Variants in RTL10 observed in about 807,000 individuals in gnomAD.
RTL10 encodes the protein protein Bop.
For synonymous variants in RTL10, 199 were observed against 188.4 expected (o/e 1.06, Z -0.46); for missense variants, 477 against 470.7 (o/e 1.01, Z -0.12).
Position 19,848,655 on chromosome 22 carries a change from T to C in RTL10, c.*2512A>G. Reference sequence around the variant, plus strand: ...TAATTAAAAACCAGGTCACCTGGACTCTCCCAAGGACTCTCAAGCCTGCCT... The same window carrying C: ...TAATTAAAAACCAGGTCACCTGGACCCTCCCAAGGACTCTCAAGCCTGCCT... On this transcript the variant is annotated 3_prime_UTR_variant, in exon 3 of 3. Coordinates refer to ENST00000328554, the MANE Select transcript of RTL10 (RefSeq NM_024627.6). The C allele has an allele frequency of 1.0e-6, 1 of 985,476 alleles. No individual in the cohort carries two copies. The highest frequency in any genetic ancestry group is 1.2e-6 in the Non-Finnish European group (1 of 829,986). 61.0% of individuals were successfully genotyped at this position (985,476 alleles called of 1,614,324 possible).
intron 2 of RTL10, among the ~76,000 whole-genome samples, chr22:19,854,227 C>G (rs148397657): frequency 1.3e-5 from 2 of 152,344 alleles, no homozygotes; most frequent in African/African-American, 4.8e-5. Flanking sequence ...GGGCAGGTAC[C>G]ACGGCGCATG....
At position 19,848,732 on chromosome 22, in the gene RTL10, A is replaced by T. The variant is rs1055109442; in HGVS notation, c.*2435T>A. The T allele has an allele frequency of 5.1e-6, 5 of 985,320 alleles. No individual in the cohort carries two copies. The highest frequency in any genetic ancestry group is 4.8e-6 in the Non-Finnish European group (4 of 830,012). The allele number at this position is 985,320 out of a possible 1,614,324, so 61.0% of individuals were successfully genotyped here. A position where few individuals can be genotyped will look rare whatever the true frequency, so the allele number is the denominator to read the frequency against. On this transcript the variant is annotated 3_prime_UTR_variant, in exon 3 of 3. Transcript: ENST00000328554. Reference sequence around the variant, plus strand: ...AGACACACGGCAGACCATAACTCACACACCCCCAGGAGCTGCCTGGGTCCC... The same window carrying T: ...AGACACACGGCAGACCATAACTCACTCACCCCCAGGAGCTGCCTGGGTCCC...
In RTL10 at chr22:19,846,963, T is replaced by C. The variant is rs1937976378; in HGVS notation, c.*4204A>G. 2 of 985,440 alleles carry C rather than the reference T, an allele frequency of 2.0e-6. No homozygotes were observed. Among genetic ancestry groups the C allele is most frequent in the South Asian group, 9.4e-5 (2 of 21,282 alleles). The allele number at this position is 985,440 out of a possible 1,614,324, so 61.0% of individuals were successfully genotyped here. A position where few individuals can be genotyped will look rare whatever the true frequency, so the allele number is the denominator to read the frequency against. On this transcript the variant is annotated 3_prime_UTR_variant, in exon 3 of 3. Coordinates refer to ENST00000328554, the MANE Select transcript of RTL10 (RefSeq NM_024627.6). ...GATGCAGGCCCCTCCCATCCTCCCATCCTCAGCAGCACCAACCAGCCCCAC... is the reference window on the plus strand; with the variant it reads ...GATGCAGGCCCCTCCCATCCTCCCACCCTCAGCAGCACCAACCAGCCCCAC...
Position 19,852,378 on chromosome 22 carries a change from C to T in RTL10, c.-117G>A. On this transcript the variant is annotated 5_prime_UTR_variant, in exon 3 of 3. Coordinates refer to ENST00000328554, the MANE Select transcript of RTL10 (RefSeq NM_024627.6). ...GATGGCTGAACAGGGCGTGGCAGAC[C>T]CGCACTGGTCCAGGCAAGTGCTGAG... is the stretch of plus-strand genomic sequence containing the variant. 9.0e-7 allele frequency: 1 copy of T among 1,112,598 alleles called. No homozygotes were observed. Among genetic ancestry groups the T allele is most frequent in the Non-Finnish European group, 1.3e-6 (1 of 771,690 alleles). The allele number at this position is 1,112,598 out of a possible 1,614,324, so 68.9% of individuals were successfully genotyped here.
In RTL10 at chr22:19,852,107, C is replaced by T. The variant is rs1475060356; in HGVS notation, c.155G>A (p.Cys52Tyr). 3.1e-6 allele frequency: 5 copies of T among 1,614,250 alleles called. No individual in the cohort carries two copies. In the East Asian group the frequency reaches 8.9e-5, roughly 29 times the overall value. Residue 52 changes from cysteine (C) to tyrosine (Y), a missense_variant, in exon 3 of 3, where the codon TGT (cysteine) becomes TAT (tyrosine). Physicochemically the swap from Cys to Tyr is radical, Grantham distance 194. Transcript: ENST00000328554. ...CGTTCGCACACACACGGTGTCCCCA[C>T]AGCAGGGCCGCTCAATCCAGGGATC... Reference protein sequence around the residue: ...LVDPWIERPCCGDTVCVRTTM... With the variant: ...LVDPWIERPCYGDTVCVRTTM...
Position 19,851,000 on chromosome 22 carries a change from G to A in RTL10, c.*167C>T, listed in dbSNP as rs1029622932. 2.1e-6 allele frequency: 3 copies of A among 1,415,736 alleles called. No homozygotes were observed. Among genetic ancestry groups the A allele is most frequent in the African/African-American group, 2.9e-5 (2 of 69,476 alleles). The allele number at this position is 1,415,736 out of a possible 1,614,324, so 87.7% of individuals were successfully genotyped here. ...AGGTCAAGCTCTGCTGGAGTTGGGG[G>A]AGCTGGTTCTGCTCAGCGCAGAGTC... On this transcript the variant is annotated 3_prime_UTR_variant, in exon 3 of 3. Coordinates refer to ENST00000328554, the MANE Select transcript of RTL10 (RefSeq NM_024627.6).
In RTL10 at chr22:19,848,928, A is replaced by G. The variant is rs1323300229; in HGVS notation, c.*2239T>C. ...GCTGGGTGACTAGGCTGTCCATCCT[A>G]GAGAGCAACTCTGGGTTCTACTGCC... On this transcript the variant is annotated 3_prime_UTR_variant, in exon 3 of 3. Transcript: ENST00000328554. The G allele has an allele frequency of 1.0e-6, 1 of 985,370 alleles. No individual in the cohort carries two copies. Among genetic ancestry groups the G allele is most frequent in the East Asian group, 1.1e-4 (1 of 8,828 alleles). The allele number at this position is 985,370 out of a possible 1,614,324, so 61.0% of individuals were successfully genotyped here.
rs1162525212 is a variant in RTL10, at chr22:19,846,557, C to A, written c.*4610G>T. 2 of 985,370 alleles carry A rather than the reference C, an allele frequency of 2.0e-6. No individual in the cohort carries two copies. Among genetic ancestry groups the A allele is most frequent in the African/African-American group, 3.5e-5 (2 of 57,240 alleles). 61.0% of individuals were successfully genotyped at this position (985,370 alleles called of 1,614,324 possible). A position where few individuals can be genotyped will look rare whatever the true frequency, so the allele number is the denominator to read the frequency against. On this transcript the variant is annotated 3_prime_UTR_variant, in exon 3 of 3. Coordinates refer to ENST00000328554, the MANE Select transcript of RTL10 (RefSeq NM_024627.6). ...AACAGCAAAGACAAAACCAGAGAAGCCTATCGCGGGCACCGCTGTGGGCAG... is the reference window on the plus strand; with the variant it reads ...AACAGCAAAGACAAAACCAGAGAAGACTATCGCGGGCACCGCTGTGGGCAG...
chr22:19,848,347 G>A lies in RTL10; in HGVS notation c.*2820C>T. Reference sequence around the variant, plus strand: ...GCAGCTCCTGAGCACCCTGCCTTCGGGTCTGCCAGTGTGTGGGGGCCAGAA... The same window carrying A: ...GCAGCTCCTGAGCACCCTGCCTTCGAGTCTGCCAGTGTGTGGGGGCCAGAA... On this transcript the variant is annotated 3_prime_UTR_variant, in exon 3 of 3. Coordinates refer to ENST00000328554, the MANE Select transcript of RTL10 (RefSeq NM_024627.6). 1 of 985,456 alleles carries A rather than the reference G, an allele frequency of 1.0e-6. No individual in the cohort carries two copies. Among genetic ancestry groups the A allele is most frequent in the Non-Finnish European group, 1.2e-6 (1 of 829,966 alleles). 61.0% of individuals were successfully genotyped at this position (985,456 alleles called of 1,614,324 possible). A position where few individuals can be genotyped will look rare whatever the true frequency, so the allele number is the denominator to read the frequency against.
In RTL10 at chr22:19,848,891, G is replaced by C. The variant is rs946602007; in HGVS notation, c.*2276C>G. ...GGCCTGTCCAGAAGCCTGTGGGACAGGGTAAAGGTCAGCTGGGTGACTAGG... is the reference window on the plus strand; with the variant it reads ...GGCCTGTCCAGAAGCCTGTGGGACACGGTAAAGGTCAGCTGGGTGACTAGG... On this transcript the variant is annotated 3_prime_UTR_variant, in exon 3 of 3. Coordinates refer to ENST00000328554, the MANE Select transcript of RTL10 (RefSeq NM_024627.6). The C allele has an allele frequency of 2.0e-6, 2 of 985,334 alleles. No individual in the cohort carries two copies. The highest frequency in any genetic ancestry group is 2.4e-6 in the Non-Finnish European group (2 of 829,930). The allele number at this position is 985,334 out of a possible 1,614,324, so 61.0% of individuals were successfully genotyped here.
Position 19,847,306 on chromosome 22 carries a change from T to G in RTL10, c.*3861A>C. The stretch of plus-strand genomic sequence containing the variant: ...GGAGATCTTTGTTACTGCAGCACAA[T>G]CTGGCTCATGCTGACTGATCCTGCA... On this transcript the variant is annotated 3_prime_UTR_variant, in exon 3 of 3. Coordinates refer to ENST00000328554, the MANE Select transcript of RTL10 (RefSeq NM_024627.6). 1.0e-6 allele frequency: 1 copy of G among 985,090 alleles called. No homozygotes were observed. The highest frequency in any genetic ancestry group is 1.2e-6 in the Non-Finnish European group (1 of 829,576). 61.0% of individuals were successfully genotyped at this position (985,090 alleles called of 1,614,324 possible).
Position 19,849,150 on chromosome 22 carries a change from C to T in RTL10, c.*2017G>A. ...CAGAATCAAGACTGAAAATGGGTTT[C>T]TTCTGCCAGCTCACTTGCTTTGCTA... On this transcript the variant is annotated 3_prime_UTR_variant, in exon 3 of 3. Transcript: ENST00000328554. 1.0e-6 allele frequency: 1 copy of T among 985,392 alleles called. No homozygotes were observed. The highest frequency in any genetic ancestry group is 1.2e-6 in the Non-Finnish European group (1 of 829,904). The allele number at this position is 985,392 out of a possible 1,614,324, so 61.0% of individuals were successfully genotyped here.
In RTL10 at chr22:19,847,580, C is replaced by A. The variant is rs1025500089; in HGVS notation, c.*3587G>T. 6.1e-6 allele frequency: 6 copies of A among 985,120 alleles called. No individual in the cohort carries two copies. Among genetic ancestry groups the A allele is most frequent in the African/African-American group, 1.7e-5 (1 of 57,242 alleles). 61.0% of individuals were successfully genotyped at this position (985,120 alleles called of 1,614,324 possible). A position where few individuals can be genotyped will look rare whatever the true frequency, so the allele number is the denominator to read the frequency against. ...GGGGAGGGGAGGAGGCAAGGCCAAC[C>A]TCCAGTCCCTGCTCTAAACCCCCAT... On this transcript the variant is annotated 3_prime_UTR_variant, in exon 3 of 3. Transcript: ENST00000328554.
chr22:19,850,961 AG>A lies in RTL10; in HGVS notation c.*205del, dbSNP rs1483078817. The A allele has an allele frequency of 2.2e-6, 3 of 1,373,974 alleles. No homozygotes were observed. The highest frequency in any genetic ancestry group is 3.2e-5 in the Admixed American group (1 of 31,442). 85.1% of individuals were successfully genotyped at this position (1,373,974 alleles called of 1,614,324 possible). ...GCAGCAGAGAGCCAGCAGCAGGGAA[AG>A]GGCACAGGGCGGAGGTCAAGCTCTG... On this transcript the variant is annotated 3_prime_UTR_variant, in exon 3 of 3. Coordinates refer to ENST00000328554, the MANE Select transcript of RTL10 (RefSeq NM_024627.6).
In RTL10 at chr22:19,847,807, A is replaced by G; in HGVS notation, c.*3360T>C. The G allele has an allele frequency of 1.4e-6, 1 of 710,154 alleles. No individual in the cohort carries two copies. Among genetic ancestry groups the G allele is most frequent in the African/African-American group, 2.3e-5 (1 of 44,360 alleles). The allele number at this position is 710,154 out of a possible 1,614,324, so 44.0% of individuals were successfully genotyped here. ...TTTAAAATCCTGGAATCATAGGCAAAAAAAAAAAAAAAAAAAAATTCACCC... is the reference window on the plus strand; with the variant it reads ...TTTAAAATCCTGGAATCATAGGCAAGAAAAAAAAAAAAAAAAAATTCACCC... On this transcript the variant is annotated 3_prime_UTR_variant, in exon 3 of 3. Transcript: ENST00000328554.
intron 2 of RTL10, among the ~76,000 whole-genome samples, chr22:19,853,271 C>T (rs1172828389): frequency 1.3e-5 from 2 of 152,134 alleles, no homozygotes; most frequent in Non-Finnish European, 2.9e-5. Context: ...TGTCTGCTCC[C>T]GCCACTCCAG....
chr22:19,849,045 T>TCATCGGA lies in RTL10; in HGVS notation c.*2115_*2121dup. On this transcript the variant is annotated 3_prime_UTR_variant, in exon 3 of 3. Transcript: ENST00000328554. ...CACAAAAGGGGGGATGGGGCCTGAG[T>TCATCGGA]CATCGGACGGAGGGCAGCTGTGACC... 3.0e-6 allele frequency: 3 copies of TCATCGGA among 985,330 alleles called. No individual in the cohort carries two copies. The highest frequency in any genetic ancestry group is 3.6e-6 in the Non-Finnish European group (3 of 829,942). The allele number at this position is 985,330 out of a possible 1,614,324, so 61.0% of individuals were successfully genotyped here. A position where few individuals can be genotyped will look rare whatever the true frequency, so the allele number is the denominator to read the frequency against.
At position 19,848,277 on chromosome 22, in the gene RTL10, C is replaced by T. The variant is rs1362132805; in HGVS notation, c.*2890G>A. On this transcript the variant is annotated 3_prime_UTR_variant, in exon 3 of 3. Coordinates refer to ENST00000328554, the MANE Select transcript of RTL10 (RefSeq NM_024627.6). ...CCATGATTAGAAAGCAGAGCCAGCA[C>T]CATGGCCCGTCCCTGAGCATGTCCA... 2.7e-5 allele frequency: 27 copies of T among 985,316 alleles called. No individual in the cohort carries two copies. Among genetic ancestry groups the T allele is most frequent in the Non-Finnish European group, 3.3e-5 (27 of 829,950 alleles). The allele number at this position is 985,316 out of a possible 1,614,324, so 61.0% of individuals were successfully genotyped here. A position where few individuals can be genotyped will look rare whatever the true frequency, so the allele number is the denominator to read the frequency against.
At position 19,848,042 on chromosome 22, in the gene RTL10, T is replaced by C; in HGVS notation, c.*3125A>G. The C allele has an allele frequency of 3.0e-6, 3 of 985,454 alleles. No individual in the cohort carries two copies. Among genetic ancestry groups the C allele is most frequent in the Non-Finnish European group, 3.6e-6 (3 of 829,926 alleles). The allele number at this position is 985,454 out of a possible 1,614,324, so 61.0% of individuals were successfully genotyped here. On this transcript the variant is annotated 3_prime_UTR_variant, in exon 3 of 3. Coordinates refer to ENST00000328554, the MANE Select transcript of RTL10 (RefSeq NM_024627.6). ...ATTTGGCCCGTTTCAAAGTCCTCTA[T>C]TCTCTGCTCATCTGTCCACATCTAA...
Sources: allele counts gnomAD v4.1 joint callset (sites outside exome capture counted in the v4.1 genomes callset), GRCh38; gene constraint gnomAD v4.1.1; transcripts MANE v1.5; gene names NCBI Gene and HGNC (gene_info 2026-07-23, HGNC 2026-07-21).